The following IQCH variants were observed in gnomAD, a reference collection of about 807,000 sequenced individuals.
IQCH encodes IQ domain-containing protein H.
Under a neutral mutation model 117.0 loss-of-function variants are expected in IQCH, and 98 were observed. That is an observed-to-expected ratio of 0.84 (90% confidence interval 0.71 to 0.99). IQCH has a LOEUF of 0.99. Ranked by LOEUF, IQCH falls within the 50% of genes least tolerant of loss-of-function variation. The pLI, the probability that IQCH is intolerant of heterozygous loss-of-function variation, is 0.00. For missense variants in IQCH, 1,102 were observed against 1,243.8 expected, an observed-to-expected ratio of 0.89 and a Z score of 1.72; for synonymous variants, 412 against 448.2, an observed-to-expected ratio of 0.92 and a Z score of 1.02.
At chr15:67,399,450 A>T (rs1012739320) in intron 13 of IQCH, among the ~76,000 whole-genome samples, 2 of 86,892 alleles carry the variant, frequency 2.3e-5, no homozygotes, top group African/African-American at 9.3e-5. Context: ...CATGTGTTTG[A>T]GCCCAGTTCT....
intron 14 of IQCH, among the ~76,000 whole-genome samples, chr15:67,415,822 A>G (rs981748478): frequency 5.9e-5 from 9 of 152,302 alleles, no homozygotes; most frequent in African/African-American, 2.2e-4. Context: ...TGTCTATCAT[A>G]TGAGTTTCGA....
At position 67,337,008 on chromosome 15, in the gene IQCH, A is replaced by T. The variant is rs188357926; in HGVS notation, c.421A>T (p.Ile141Leu). 441 of 1,613,718 alleles carry T rather than the reference A, an allele frequency of 2.7e-4. 3 individuals carry two copies. The highest frequency in any genetic ancestry group is 2.1e-5 in the Non-Finnish European group (25 of 1,179,830). Residue 141 changes from isoleucine (I) to leucine (L), a missense_variant, in exon 5 of 21, where the codon ATA becomes TTA. Physicochemically the swap from Ile to Leu is conservative, Grantham distance 5 (BLOSUM62 2). Around this residue, in one of 2 missense-constraint regions of IQCH, gnomAD observed 452 missense variants for 449.6 expected, o/e 1.01. Transcript: ENST00000335894. ...KVSKLIKGSNISSLTVLPSSH... is the reference protein window; with the variant it reads ...KVSKLIKGSNLSSLTVLPSSH... Reference sequence around the variant, plus strand: ...TTCGAAGTTAATCAAAGGGTCTAACATATCCAGCCTCACGGTTCTGCCATC... The same window carrying T: ...TTCGAAGTTAATCAAAGGGTCTAACTTATCCAGCCTCACGGTTCTGCCATC...
chr15:67,361,344 C>G (rs72745470), intron 8 of IQCH, among the ~76,000 whole-genome samples: 36,170 of 152,140 alleles, frequency 0.24, 5,593 homozygotes, highest in Non-Finnish European at 0.36. Context: ...TGGATTATCT[C>G]ACTTCATTTT....
At position 67,372,250 on chromosome 15, in the gene IQCH, T is replaced by C; in HGVS notation, c.893T>C (p.Ile298Thr). ...CATTTTAGCTTAGCTTGGGGAGGTA[T>C]TTTTTCTCTCTTGGAACACGTCGAG... ...KEHFSLAWGG[I>T]FSLLEHVEKF... The change falls in exon 9 of 21, where the codon ATT (isoleucine) becomes ACT (threonine). Residue 298 changes from isoleucine to threonine, a missense_variant. By Grantham distance (89) the Ile-to-Thr change is moderately conservative (BLOSUM62 -1). Around this residue, in one of 2 missense-constraint regions of IQCH, gnomAD observed 452 missense variants for 449.6 expected, o/e 1.01. Transcript: ENST00000335894. 6.2e-7 allele frequency: 1 copy of C among 1,614,098 alleles called. No individual in the cohort carries two copies. Among genetic ancestry groups the C allele is most frequent in the Non-Finnish European group, 8.5e-7 (1 of 1,179,998 alleles).
intron 16 of IQCH, among the ~76,000 whole-genome samples, chr15:67,461,936 A>G (rs2082806073): frequency 1.3e-5 from 2 of 152,136 alleles, no homozygotes; most frequent in Non-Finnish European, 2.9e-5. Context: ...CTGAAAGGAA[A>G]TGTTTAGTCA....
chr15:67,449,524 C>T (rs2082469173), intron 16 of IQCH, among the ~76,000 whole-genome samples: 1 of 152,116 alleles, frequency 6.6e-6, no homozygotes, highest in Non-Finnish European at 1.5e-5. Context: ...TGTCATAGAT[C>T]AGATAGTTGT....
At chr15:67,373,578 A>G in intron 10 of IQCH, 145 bp downstream of exon 10, 1 of 700,574 alleles carries the variant, frequency 1.4e-6, no homozygotes. Flanking sequence ...GAGTAATAAC[A>G]CAGGACCCTC....
In IQCH at chr15:67,432,491, T is replaced by C. The variant is rs79937058; in HGVS notation, c.2505+10914T>C. Among the ~76,000 whole-genome samples the C allele has an allele frequency of 6.6e-6, 1 of 152,236 alleles. No individual in the cohort carries two copies. On this transcript the variant is annotated intron_variant, in intron 16 of 20. Coordinates refer to ENST00000335894, the MANE Select transcript of IQCH (RefSeq NM_001031715.3). The surrounding 1 kb of genome is among the most constrained non-coding windows in gnomAD (Gnocchi z 5.0). The stretch of plus-strand genomic sequence containing the variant: ...TTGACCAATCTGAGCCTTGTTTTTT[T>C]GTTATCAACTGGTAAATTCCTGCCC...
chr15:67,412,458 G>A (rs937358878), intron 14 of IQCH, among the ~76,000 whole-genome samples: 12 of 152,018 alleles, frequency 7.9e-5, no homozygotes, highest in Non-Finnish European at 1.0e-4. Context: ...TGCCCAGGCT[G>A]GAGTGCAATG....
In IQCH at chr15:67,342,754, CTTAAGTG is replaced by C. The variant is rs1397346220; in HGVS notation, c.509-1303_509-1297del. 1.1e-4 allele frequency among the ~76,000 whole-genome samples: 16 copies of C among 152,188 alleles called. No individual in the cohort carries two copies. Among genetic ancestry groups the C allele is most frequent in the Middle Eastern group, 3.4e-3 (1 of 294 alleles). On this transcript the variant is annotated intron_variant, in intron 5 of 20. Coordinates refer to ENST00000335894, the MANE Select transcript of IQCH (RefSeq NM_001031715.3). The surrounding 1 kb of genome is among the most constrained non-coding windows in gnomAD (Gnocchi z 4.7). ...AGTGTTATACTCTGGATCAGTAATT[CTTAAGTG>C]TTAAGAGTACAAAAGATTAACCTGG...
intron 4 of IQCH, among the ~76,000 whole-genome samples, chr15:67,300,608 C>T (rs528427472): frequency 2.0e-5 from 3 of 152,302 alleles, no homozygotes; most frequent in African/African-American, 7.2e-5. Context: ...GAAGACACTA[C>T]TTGCAGGAAA....
Position 67,372,581 on chromosome 15 carries a change from A to AT in IQCH, c.1225dup (p.Tyr409LeufsTer4). On this transcript the variant is annotated frameshift_variant, in exon 9 of 21. Transcript: ENST00000335894. LOFTEE classifies it high-confidence loss of function. ...GTGTGATTGCCATTGCTTGGCTGTT[A>AT]TATTGCCATAAGACTCGACTAAAGA... 3.1e-6 allele frequency: 5 copies of AT among 1,614,058 alleles called. No homozygotes were observed. The highest frequency in any genetic ancestry group is 4.2e-6 in the Non-Finnish European group (5 of 1,179,986).
At chr15:67,280,520 A>G (rs1033472728) in intron 4 of IQCH, among the ~76,000 whole-genome samples, 1 of 152,212 alleles carries the variant, frequency 6.6e-6, no homozygotes, top group African/African-American at 2.4e-5. Context: ...GTTTCTTCAC[A>G]TGGCAGAGAG....
intron 18 of IQCH, among the ~76,000 whole-genome samples, chr15:67,482,980 A>T (rs575453080): frequency 3.3e-5 from 5 of 152,172 alleles, no homozygotes; most frequent in Non-Finnish European, 7.4e-5. Context: ...GAATTGTTTT[A>T]TGGGATAAGA....
At chr15:67,414,403 C>A (rs528222749) in intron 14 of IQCH, among the ~76,000 whole-genome samples, 2 of 152,026 alleles carry the variant, frequency 1.3e-5, no homozygotes, top group African/African-American at 2.4e-5. Flanking sequence ...GTGGCTGGAA[C>A]GACCTCAGGA....
At position 67,301,970 on chromosome 15, in the gene IQCH, G is replaced by C. The variant is rs916925576; in HGVS notation, c.387+22458G>C. Among the ~76,000 whole-genome samples the C allele has an allele frequency of 2.0e-5, 3 of 152,228 alleles. No homozygotes were observed. The East Asian group carries it at 5.8e-4, about 29-fold the overall frequency. ...CTGATTTCTTTTCAGAAATAACTATGTGTAGTGCTACAGAATTTAACAATA... is the reference window on the plus strand; with the variant it reads ...CTGATTTCTTTTCAGAAATAACTATCTGTAGTGCTACAGAATTTAACAATA... On this transcript the variant is annotated intron_variant, in intron 4 of 20. Coordinates refer to ENST00000335894, the MANE Select transcript of IQCH (RefSeq NM_001031715.3).
intron 4 of IQCH, among the ~76,000 whole-genome samples, chr15:67,316,715 A>G (rs1283153354): frequency 2.0e-5 from 3 of 152,214 alleles, no homozygotes; most frequent in African/African-American, 7.2e-5. Flanking sequence ...ATTTGGGGAA[A>G]CTGAGGCAAA....
chr15:67,459,922 A>T lies in IQCH; in HGVS notation c.2506-5205A>T, dbSNP rs2082748894. On this transcript the variant is annotated intron_variant, in intron 16 of 20. Transcript: ENST00000335894. The surrounding 1 kb of genome is among the most constrained non-coding windows in gnomAD (Gnocchi z 4.2). ...CAACACTTTTGGAGGCCAAGGCGAG[A>T]GTATCATTTGAACGCAGGAGTTTGA... 6.6e-6 allele frequency: 1 copy of T among 152,148 alleles called. No homozygotes were observed. Among genetic ancestry groups the T allele is most frequent in the Non-Finnish European group, 1.5e-5 (1 of 68,042 alleles). The allele number at this position is 152,148 out of a possible 1,614,324, so 9.4% of individuals were successfully genotyped here.
intron 4 of IQCH, among the ~76,000 whole-genome samples, chr15:67,300,676 A>G (rs1222708291): frequency 6.6e-6 from 1 of 152,144 alleles, no homozygotes; most frequent in East Asian, 1.9e-4. Context: ...TTTGTGAAGC[A>G]TTTCAATTTT....
Sources: allele counts gnomAD v4.1 joint callset (sites outside exome capture counted in the v4.1 genomes callset), GRCh38; gene constraint gnomAD v4.1.1; regional missense constraint gnomAD v4.1.1; non-coding constraint Gnocchi (gnomAD v3.1); transcripts MANE v1.5; gene names NCBI Gene and HGNC (gene_info 2026-07-23, HGNC 2026-07-21).